DYNC2H1: variants seen among roughly 807,000 people sequenced by gnomAD.
The protein encoded by DYNC2H1 is dynein cytoplasmic 2 heavy chain 1.
A neutral mutation model predicts 570.0 loss-of-function variants in DYNC2H1; 410 were observed. The observed-to-expected ratio is 0.72, with a 90% confidence interval of 0.66 to 0.78. The LOEUF is 0.78. Among genes scored for constraint, DYNC2H1 ranks in the 30% least tolerant of loss-of-function variants. The probability of loss-of-function intolerance (pLI) is 0.00; values close to 1 mark genes in which losing one functional copy is unlikely to be tolerated. For missense variants in DYNC2H1, 4,865 were observed against 5,046.4 expected, an observed-to-expected ratio of 0.96 and a Z score of 1.09; for synonymous variants, 1,688 against 1,677.6, an observed-to-expected ratio of 1.01 and a Z score of -0.15.
chr11:103,314,854 T>C (rs1262939457), intron 79 of DYNC2H1, among the ~76,000 whole-genome samples: 1 of 151,956 alleles, frequency 6.6e-6, no homozygotes, highest in Non-Finnish European at 1.5e-5. Flanking sequence ...AATTTGGGGA[T>C]TTTAAAAATA....
At chr11:103,413,631 C>G (rs1169501456) in intron 84 of DYNC2H1, among the ~76,000 whole-genome samples, 2 of 152,158 alleles carry the variant, frequency 1.3e-5, no homozygotes, top group Non-Finnish European at 2.9e-5. Flanking sequence ...ATGCAGTTAT[C>G]AGCTTTGTTT....
intron 52 of DYNC2H1, among the ~76,000 whole-genome samples, chr11:103,206,190 G>A (rs1862914994): frequency 6.6e-6 from 1 of 152,100 alleles, no homozygotes; most frequent in African/African-American, 2.4e-5. Flanking sequence ...ATTGTAATAA[G>A]GTGTAACAGA....
chr11:103,224,915 C>A (rs605276), intron 59 of DYNC2H1, among the ~76,000 whole-genome samples: 141,983 of 152,278 alleles, frequency 0.93, 66,222 homozygotes, highest in African/African-American at 0.94. Context: ...AACATCTATA[C>A]TTTTTTAATT....
intron 34 of DYNC2H1, among the ~76,000 whole-genome samples, chr11:103,171,646 A>G (rs761506838): frequency 3.3e-5 from 5 of 152,184 alleles, no homozygotes; most frequent in Non-Finnish European, 5.9e-5. Context: ...GTCTGTGCTG[A>G]CATTGTTCAC....
chr11:103,442,309 T>A (rs937950837), intron 85 of DYNC2H1, among the ~76,000 whole-genome samples: 1 of 152,234 alleles, frequency 6.6e-6, no homozygotes, highest in South Asian at 2.1e-4. Flanking sequence ...CAAATAAATA[T>A]GTTAATATTA....
intron 40 of DYNC2H1, 136 bp from the exon 41 acceptor site, chr11:103,184,760 C>A: frequency 2.6e-6 from 2 of 764,830 alleles, no homozygotes; most frequent in Non-Finnish European, 3.9e-6. Context: ...GAAATCCAAA[C>A]TTTCTACAGT....
intron 83 of DYNC2H1, among the ~76,000 whole-genome samples, chr11:103,377,605 A>T (rs574672005): frequency 6.6e-6 from 1 of 152,326 alleles, no homozygotes; most frequent in African/African-American, 2.4e-5. Flanking sequence ...ACTAAAAATG[A>T]AACTAATCTT....
chr11:103,375,252 G>T (rs774183066), intron 83 of DYNC2H1, among the ~76,000 whole-genome samples: 1 of 152,216 alleles, frequency 6.6e-6, no homozygotes, highest in Non-Finnish European at 1.5e-5. Context: ...AGGGTGTATG[G>T]TAATAGATGG....
rs1327403955 is a variant in DYNC2H1, at chr11:103,204,212, G to A, written c.8311+436G>A. On this transcript the variant is annotated intron_variant, in intron 51 of 88. Transcript: ENST00000375735. The surrounding 1 kb of genome is among the most constrained non-coding windows in gnomAD (Gnocchi z 4.1). ...GAATAGCATGGGAAATACCTGCCCC[G>A]CTCCATGATTCAATCATGTCCCACC... Among the ~76,000 whole-genome samples, 1 of 152,072 alleles carries A rather than the reference G, an allele frequency of 6.6e-6. No individual in the cohort carries two copies. Among genetic ancestry groups the A allele is most frequent in the Non-Finnish European group, 1.5e-5 (1 of 68,000 alleles).
chr11:103,455,822 A>G (rs1335511712), intron 86 of DYNC2H1, among the ~76,000 whole-genome samples: 1 of 152,176 alleles, frequency 6.6e-6, no homozygotes, highest in Admixed American at 6.5e-5. Context: ...TCAGATTATC[A>G]TATCATATAT....
rs764627261 is a variant in DYNC2H1 at position 103,399,665 on chromosome 11, T to A, written c.12159T>A (p.Asn4053Lys). The A allele has an allele frequency of 6.2e-7, 1 of 1,607,166 alleles. No homozygotes were observed. The highest frequency in any genetic ancestry group is 1.1e-5 in the South Asian group (1 of 90,188). The change falls in exon 84 of 89, where the codon AAT (asparagine) becomes AAA (lysine). Residue 4053 changes from asparagine to lysine, a missense_variant and splice_region_variant. By Grantham distance (94) the Asn-to-Lys change is moderately conservative. Transcript: ENST00000375735. Reference sequence around the variant, plus strand: ...ATATTATGACATTTTTCTTTTAGAATTCAAACCTAATACATCAGAAAGTGC... The same window carrying A: ...ATATTATGACATTTTTCTTTTAGAAATCAAACCTAATACATCAGAAAGTGC... ...VLNLWKKLNQNSNLIHQKVPP... is the reference protein window; with the variant it reads ...VLNLWKKLNQKSNLIHQKVPP...
In DYNC2H1 at chr11:103,115,160, C is replaced by G; in HGVS notation, c.503-17C>G. Reference sequence around the variant, plus strand: ...CTGATATTCTATGCCATTTTTTTCCCCTCTTGACTTTTATAGGTATCCTTA... The same window carrying G: ...CTGATATTCTATGCCATTTTTTTCCGCTCTTGACTTTTATAGGTATCCTTA... On this transcript the variant is annotated splice_polypyrimidine_tract_variant and intron_variant, in intron 3 of 88. Coordinates refer to ENST00000375735, the MANE Select transcript of DYNC2H1 (RefSeq NM_001377.3). 1 of 1,569,612 alleles carries G rather than the reference C, an allele frequency of 6.4e-7. No individual in the cohort carries two copies. The highest frequency in any genetic ancestry group is 1.2e-5 in the South Asian group (1 of 84,644).
rs1945673783 is a variant in DYNC2H1, at chr11:103,479,376, G to C, written c.*123G>C. The C allele has an allele frequency of 2.7e-6, 3 of 1,130,714 alleles. No individual in the cohort carries two copies. The highest frequency in any genetic ancestry group is 2.4e-6 in the Non-Finnish European group (2 of 849,008). The allele number at this position is 1,130,714 out of a possible 1,614,324, so 70.0% of individuals were successfully genotyped here. A position where few individuals can be genotyped will look rare whatever the true frequency, so the allele number is the denominator to read the frequency against. ...CAAAATATTAACATATAGTTATGTT[G>C]TTGATGTCACTGAAATTTTAATGTG... On this transcript the variant is annotated 3_prime_UTR_variant, in exon 89 of 89. Coordinates refer to ENST00000375735, the MANE Select transcript of DYNC2H1 (RefSeq NM_001377.3).
chr11:103,362,602 C>T (rs961863422), intron 83 of DYNC2H1, among the ~76,000 whole-genome samples: 1 of 152,046 alleles, frequency 6.6e-6, no homozygotes, highest in Non-Finnish European at 1.5e-5. Flanking sequence ...CATTTCAAAC[C>T]AATTCAATTA....
rs1444992102 is a variant in DYNC2H1 at position 103,264,005 on chromosome 11, A to C, written c.10695+4028A>C. Among the ~76,000 whole-genome samples the C allele has an allele frequency of 6.6e-6, 1 of 152,184 alleles. No homozygotes were observed. Among genetic ancestry groups the C allele is most frequent in the Non-Finnish European group, 1.5e-5 (1 of 68,026 alleles). On this transcript the variant is annotated intron_variant, in intron 70 of 88. Transcript: ENST00000375735. This position sits in a 1 kb window ranked among gnomAD's most constrained non-coding sequence, Gnocchi z 4.8. The stretch of plus-strand genomic sequence containing the variant: ...AGAGAAGAATCAAATAGATGCAATA[A>C]AAAATGATAAAGGGGATATCACCAC...
chr11:103,451,809 G>A (rs1944615056), intron 85 of DYNC2H1, among the ~76,000 whole-genome samples: 1 of 152,064 alleles, frequency 6.6e-6, no homozygotes, highest in Non-Finnish European at 1.5e-5. Flanking sequence ...CATAACTTTT[G>A]AAGATGATAT....
chr11:103,423,008 ATTTTT>A (rs979017022), intron 84 of DYNC2H1, among the ~76,000 whole-genome samples: 1 of 151,158 alleles, frequency 6.6e-6, no homozygotes, highest in Non-Finnish European at 1.5e-5. Context: ...ATTTGAGTCT[ATTTTT>A]TTTTCTTTTT....
At position 103,291,960 on chromosome 11, in the gene DYNC2H1, G is replaced by A. The variant is rs190011479; in HGVS notation, c.11095+4355G>A. Among the ~76,000 whole-genome samples the A allele has an allele frequency of 7.2e-5, 11 of 152,130 alleles. No homozygotes were observed. The East Asian group carries it at 2.1e-3, about 29-fold the overall frequency. On this transcript the variant is annotated intron_variant, in intron 75 of 88. Coordinates refer to ENST00000375735, the MANE Select transcript of DYNC2H1 (RefSeq NM_001377.3). ...ATATGAGTCTTTATATGTGAACTGA[G>A]TTTCTTGTAGGCAGCATAAAGTTGG... is the stretch of plus-strand genomic sequence containing the variant.
chr11:103,318,939 G>A (rs1397295367), intron 80 of DYNC2H1, among the ~76,000 whole-genome samples: 1 of 151,952 alleles, frequency 6.6e-6, no homozygotes, highest in Non-Finnish European at 1.5e-5. Context: ...CCTGCACTAC[G>A]TGAACTGTTG....
Sources: gnomAD v4.1 joint callset for allele counts (sites outside exome capture counted in the v4.1 genomes callset) on GRCh38, gnomAD v4.1.1 for gene constraint, Gnocchi (gnomAD v3.1) non-coding constraint, MANE v1.5 for transcripts, NCBI Gene and HGNC (gene_info 2026-07-23, HGNC 2026-07-21) for gene names.